KIAA1217: variants seen among roughly 807,000 people sequenced by gnomAD.
The protein encoded by KIAA1217 is KIAA1217.
Under a neutral mutation model 163.9 loss-of-function variants are expected in KIAA1217, and 88 were observed. The ratio of observed to expected loss-of-function variants is 0.54; its 90% confidence interval spans 0.45 to 0.64. KIAA1217 has a LOEUF of 0.64. KIAA1217 is among the 30% of genes least tolerant of loss of function. The probability of loss-of-function intolerance (pLI) is 0.00; values close to 1 mark genes in which losing one functional copy is unlikely to be tolerated. For missense variants in KIAA1217, 2,372 were observed against 2,475.0 expected, an observed-to-expected ratio of 0.96 and a Z score of 0.88; for synonymous variants, 903 against 923.1, an observed-to-expected ratio of 0.98 and a Z score of 0.39.
rs1382233987 is a variant in KIAA1217, at chr10:23,790,448, T to C, written c.-321+95214T>C. 2.8e-5 allele frequency among the ~76,000 whole-genome samples: 3 copies of C among 109,060 alleles called. 1 individual carries two copies. Among genetic ancestry groups the C allele is most frequent in the Non-Finnish European group, 5.2e-5 (3 of 58,068 alleles). 71.5% of individuals were successfully genotyped at this position (109,060 alleles called of 152,430 possible). A position where few individuals can be genotyped will look rare whatever the true frequency, so the allele number is the denominator to read the frequency against. On this transcript the variant is annotated intron_variant, in intron 1 of 18. Transcript: ENST00000376462. ...ATATATACATATACATATATACATA[T>C]ATACATGTGCATATATACATATATA...
At chr10:24,433,609 A>C (rs2059777277) in intron 4 of KIAA1217, among the ~76,000 whole-genome samples, 2 of 152,300 alleles carry the variant, frequency 1.3e-5, no homozygotes, top group South Asian at 4.1e-4. Context: ...TAGGGAAACT[A>C]AGGCCCAAAA....
At chr10:23,734,876 T>G (rs2183787) in intron 1 of KIAA1217, among the ~76,000 whole-genome samples, 33,582 of 151,798 alleles carry the variant, frequency 0.22, 3,993 homozygotes, top group African/African-American at 0.3. Flanking sequence ...GTGTCATGGG[T>G]GTTTGTTGTA....
intron 1 of KIAA1217, among the ~76,000 whole-genome samples, chr10:23,856,949 C>T (rs1157676601): frequency 1.3e-5 from 2 of 152,252 alleles, no homozygotes; most frequent in East Asian, 1.9e-4. Context: ...AACTCCCTGA[C>T]CCCTTGCGCT....
chr10:24,359,293 A>T (rs1208316948), intron 2 of KIAA1217, among the ~76,000 whole-genome samples: 1 of 151,888 alleles, frequency 6.6e-6, no homozygotes, highest in Non-Finnish European at 1.5e-5. Context: ...GAGTCTCAGC[A>T]TGTTGGCCAG....
At chr10:23,946,355 G>C (rs1589126135) in intron 1 of KIAA1217, among the ~76,000 whole-genome samples, 1 of 147,362 alleles carries the variant, frequency 6.8e-6, no homozygotes, top group South Asian at 2.2e-4. Context: ...AAAAAAAAAA[G>C]ATTGTGTAGA....
intron 2 of KIAA1217, among the ~76,000 whole-genome samples, chr10:24,359,443 G>A (rs1005667539): frequency 2.0e-5 from 3 of 152,094 alleles, no homozygotes; most frequent in Non-Finnish European, 2.9e-5. Flanking sequence ...TCATAAATCT[G>A]CATTACTGTA....
At chr10:23,853,225 A>G (rs1006222223) in intron 1 of KIAA1217, among the ~76,000 whole-genome samples, 7 of 152,000 alleles carry the variant, frequency 4.6e-5, no homozygotes, top group African/African-American at 9.7e-5. Flanking sequence ...TAGCATGAAG[A>G]GTTGTTGAAT....
intron 1 of KIAA1217, among the ~76,000 whole-genome samples, chr10:23,894,494 T>G (rs1841582755): frequency 6.8e-6 from 1 of 146,784 alleles, no homozygotes; most frequent in Non-Finnish European, 1.5e-5. Context: ...TAAAAGAGGA[T>G]ACAAACAAAT....
intron 2 of KIAA1217, among the ~76,000 whole-genome samples, chr10:24,068,577 C>T (rs1340347461): frequency 6.6e-6 from 1 of 152,134 alleles, no homozygotes; most frequent in Non-Finnish European, 1.5e-5. Context: ...CCACTTTGCC[C>T]AGTCTTCATG....
intron 2 of KIAA1217, among the ~76,000 whole-genome samples, chr10:24,070,538 A>G (rs551058355): frequency 1.3e-5 from 2 of 152,376 alleles, no homozygotes; most frequent in African/African-American, 4.8e-5. Context: ...ATTCATTAAT[A>G]TATAATCAGT....
In KIAA1217 at chr10:23,955,221, C is replaced by T. The variant is rs569460010; in HGVS notation, c.-320-52004C>T. Among the ~76,000 whole-genome samples the T allele has an allele frequency of 7.2e-5, 11 of 152,292 alleles. No homozygotes were observed. In the South Asian group the frequency reaches 1.7e-3, roughly 23 times the overall value. ...AAAACCAAGTGACTGGCTCCAGAGT[C>T]CAAGTCCTTAGCTGATAGCTGCCCT... On this transcript the variant is annotated intron_variant, in intron 1 of 18. Coordinates refer to the KIAA1217 transcript ENST00000376462.
chr10:23,797,883 C>T (rs1213626009), intron 1 of KIAA1217, among the ~76,000 whole-genome samples: 1 of 152,120 alleles, frequency 6.6e-6, no homozygotes, highest in African/African-American at 2.4e-5. Context: ...TGCAGAAGAA[C>T]ATCTGAACTT....
chr10:24,216,066 A>C (rs189137193), intron 1 of KIAA1217, among the ~76,000 whole-genome samples: 22 of 152,290 alleles, frequency 1.4e-4, no homozygotes, highest in Middle Eastern at 3.4e-3. Flanking sequence ...AAAGAGAAAA[A>C]ACAGAAAAGC....
chr10:23,827,657 G>T (rs1837962424), intron 1 of KIAA1217, among the ~76,000 whole-genome samples: 1 of 152,152 alleles, frequency 6.6e-6, no homozygotes, highest in South Asian at 2.1e-4. Flanking sequence ...AGAACTATCT[G>T]GGGAGCTTGT....
At chr10:24,434,205 T>G (rs1264049025) in intron 4 of KIAA1217, among the ~76,000 whole-genome samples, 12 of 151,858 alleles carry the variant, frequency 7.9e-5, no homozygotes, top group Admixed American at 7.9e-4. Flanking sequence ...CCCAGCTAAT[T>G]TTTTTCTATT....
At chr10:24,152,364 ATTTCC>A (rs1227202204) in intron 2 of KIAA1217, among the ~76,000 whole-genome samples, 1 of 152,146 alleles carries the variant, frequency 6.6e-6, no homozygotes, top group East Asian at 1.9e-4. Context: ...TTTTATCTCC[ATTTCC>A]TTTCCTTCTC....
At chr10:23,948,418 T>C (rs1658069316) in intron 1 of KIAA1217, among the ~76,000 whole-genome samples, 1 of 152,226 alleles carries the variant, frequency 6.6e-6, no homozygotes, top group African/African-American at 2.4e-5. Flanking sequence ...TCATGTTCAA[T>C]GCCTCACCCA....
chr10:24,491,478 C>T (rs952328293), intron 6 of KIAA1217, among the ~76,000 whole-genome samples: 4 of 151,760 alleles, frequency 2.6e-5, no homozygotes, highest in African/African-American at 9.7e-5. Context: ...TTAGTAGAGA[C>T]GGGATTTCAC....
chr10:24,308,226 GCTAA>G (rs917138188), intron 2 of KIAA1217, among the ~76,000 whole-genome samples: 6 of 152,150 alleles, frequency 3.9e-5, no homozygotes, highest in African/African-American at 1.4e-4. Flanking sequence ...AGCCTCCTGT[GCTAA>G]CTGATAGCAC....
Sources: gnomAD v4.1 joint callset for allele counts (sites outside exome capture counted in the v4.1 genomes callset) on GRCh38, gnomAD v4.1.1 for gene constraint, MANE v1.5 for transcripts, NCBI Gene and HGNC (gene_info 2026-07-23, HGNC 2026-07-21) for gene names.